The following RBFOX1 variants were observed in gnomAD, a reference collection of about 807,000 sequenced individuals.
RBFOX1 encodes the protein RNA binding fox-1 homolog 1.
In RBFOX1, 8 loss-of-function variants were observed where a neutral mutation model predicts 57.7. The ratio of observed to expected loss-of-function variants is 0.14; its 90% CI spans 0.08 to 0.25. RBFOX1 has a LOEUF of 0.25. Among genes scored for constraint, RBFOX1 ranks in the 10% least tolerant of loss-of-function variants. The pLI is 1.00. For synonymous variants in RBFOX1, 326 were observed against 222.4 expected, an observed-to-expected ratio of 1.47 and a Z score of -4.15; for missense variants, 611 against 548.5, an observed-to-expected ratio of 1.11 and a Z score of -1.14.
chr16:5,475,320 G>T (rs2341495), intron 2 of RBFOX1, among the ~76,000 whole-genome samples: 121,517 of 152,200 alleles, frequency 0.8, 48,719 homozygotes, highest in East Asian at 1. Flanking sequence ...CTGCTATTAA[G>T]TCTACATTCG....
At chr16:6,719,583 G>A (rs1475457803) in intron 3 of RBFOX1, among the ~76,000 whole-genome samples, 2 of 151,592 alleles carry the variant, frequency 1.3e-5, no homozygotes, top group Non-Finnish European at 2.9e-5. Flanking sequence ...TGGGACTACA[G>A]GTGCCCATCA....
At chr16:6,209,622 C>T (rs1361854575) in intron 1 of RBFOX1, among the ~76,000 whole-genome samples, 3 of 152,216 alleles carry the variant, frequency 2.0e-5, no homozygotes, top group African/African-American at 7.2e-5. Context: ...CATCCTCCTG[C>T]CCTAAAACTC....
chr16:7,136,404 ATT>A (rs35623726), intron 4 of RBFOX1, among the ~76,000 whole-genome samples: 1,862 of 110,886 alleles, frequency 0.017, 16 homozygotes, highest in Middle Eastern at 0.036. Flanking sequence ...TCATCTTGGG[ATT>A]TTTTTTTTTT....
chr16:5,333,892 T>C (rs776283411), intron 1 of RBFOX1, among the ~76,000 whole-genome samples: 2 of 152,224 alleles, frequency 1.3e-5, no homozygotes, highest in Non-Finnish European at 2.9e-5. Context: ...TATAATCTTA[T>C]GGACCACCAT....
At chr16:6,395,989 C>A (rs754738650) in intron 2 of RBFOX1, among the ~76,000 whole-genome samples, 2 of 142,774 alleles carry the variant, frequency 1.4e-5, no homozygotes, top group African/African-American at 5.3e-5. Flanking sequence ...TTACTTGAAT[C>A]CGGGAGGTGG....
intron 4 of RBFOX1, among the ~76,000 whole-genome samples, chr16:7,470,982 A>G (rs1477812073): frequency 6.6e-6 from 1 of 152,038 alleles, no homozygotes; most frequent in Admixed American, 6.6e-5. Context: ...CTTTTCCATG[A>G]TCCTACTGCC....
chr16:5,539,766 TA>T (rs1286366898), intron 2 of RBFOX1, among the ~76,000 whole-genome samples: 1 of 152,208 alleles, frequency 6.6e-6, no homozygotes, highest in Admixed American at 6.5e-5. Flanking sequence ...TGAAAGAAAC[TA>T]AAATTCTGCT....
intron 3 of RBFOX1, among the ~76,000 whole-genome samples, chr16:6,742,231 A>C (rs1221549515): frequency 1.3e-5 from 2 of 152,214 alleles, no homozygotes; most frequent in Non-Finnish European, 2.9e-5. Context: ...AGAACATGGA[A>C]AGAATTCGGC....
intron 2 of RBFOX1, among the ~76,000 whole-genome samples, chr16:5,592,165 C>G (rs1401175292): frequency 7.0e-6 from 1 of 141,866 alleles, no homozygotes; most frequent in Admixed American, 6.8e-5. Flanking sequence ...ATTTCCTTTG[C>G]TTGTTTTTTT....
At chr16:5,471,062 G>A (rs2151620350) in intron 2 of RBFOX1, among the ~76,000 whole-genome samples, 1 of 152,144 alleles carries the variant, frequency 6.6e-6, no homozygotes, top group East Asian at 1.9e-4. Context: ...TCAAACTCCT[G>A]ACCTCAGGTG....
intron 4 of RBFOX1, among the ~76,000 whole-genome samples, chr16:7,415,165 A>G (rs994838591): frequency 2.6e-5 from 4 of 152,222 alleles, no homozygotes; most frequent in Admixed American, 1.3e-4. Context: ...TTATATTGCC[A>G]TGCCCCATGG....
At chr16:5,882,289 C>A (rs2057782653) in intron 4 of RBFOX1, among the ~76,000 whole-genome samples, 1 of 152,152 alleles carries the variant, frequency 6.6e-6, no homozygotes, top group Non-Finnish European at 1.5e-5. Flanking sequence ...GAGGTGCAGT[C>A]ACCTTAAGAA....
chr16:7,404,958 C>G (rs775793458), intron 4 of RBFOX1, among the ~76,000 whole-genome samples: 1 of 152,220 alleles, frequency 6.6e-6, no homozygotes, highest in Non-Finnish European at 1.5e-5. Context: ...CATGTCTACT[C>G]CCTCTAGTAG....
chr16:5,323,562 C>G (rs886405197), intron 1 of RBFOX1, among the ~76,000 whole-genome samples: 1 of 152,260 alleles, frequency 6.6e-6, no homozygotes, highest in Non-Finnish European at 1.5e-5. Flanking sequence ...TGCACCTTTG[C>G]TAGCGTCAGA....
At chr16:7,241,301 A>C (rs2094044730) in intron 4 of RBFOX1, among the ~76,000 whole-genome samples, 1 of 152,122 alleles carries the variant, frequency 6.6e-6, no homozygotes, top group Admixed American at 6.6e-5. Context: ...TCTCAGCTTG[A>C]GTAATGGGTG....
At chr16:7,532,286 A>G (rs1478181775) in intron 5 of RBFOX1, among the ~76,000 whole-genome samples, 1 of 152,044 alleles carries the variant, frequency 6.6e-6, no homozygotes, top group Non-Finnish European at 1.5e-5. Flanking sequence ...AGGCGGTGAC[A>G]TTCATCTGGT....
rs58582796 is a variant in RBFOX1, at chr16:6,260,477, G to A, written c.-126-56518G>A. 4.1e-3 allele frequency among the ~76,000 whole-genome samples: 619 copies of A among 152,252 alleles called. 2 individuals are homozygous for A. The highest frequency in any genetic ancestry group is 0.011 in the African/African-American group (458 of 41,530). ...ATGGAGTGGGCTAGACTGGGATGGA[G>A]TGGAACAGAATGGTAGAGAGAAATC... On this transcript the variant is annotated intron_variant, in intron 1 of 15. Coordinates refer to ENST00000550418, the MANE Select transcript of RBFOX1 (RefSeq NM_018723.4).
intron 3 of RBFOX1, among the ~76,000 whole-genome samples, chr16:6,827,942 G>T (rs979445032): frequency 6.6e-6 from 1 of 152,212 alleles, no homozygotes; most frequent in Non-Finnish European, 1.5e-5. Flanking sequence ...ATTAATGCCT[G>T]TTGTTTCCAC....
intron 1 of RBFOX1, among the ~76,000 whole-genome samples, chr16:6,144,760 G>T (rs1228143218): frequency 3.3e-5 from 5 of 152,190 alleles, no homozygotes; most frequent in African/African-American, 1.2e-4. Context: ...AGTCCTCTGA[G>T]CAATAGCCAC....
Sources: allele counts gnomAD v4.1 joint callset (sites outside exome capture counted in the v4.1 genomes callset), GRCh38; gene constraint gnomAD v4.1.1; transcripts MANE v1.5; gene names NCBI Gene and HGNC (gene_info 2026-07-23, HGNC 2026-07-21).